The following PEX2 variants were observed in gnomAD, a reference collection of about 807,000 sequenced individuals.
PEX2 encodes the protein peroxisome biogenesis factor 2.
Under a neutral mutation model 25.2 loss-of-function variants are expected in PEX2, and 19 were observed. That is an observed-to-expected ratio of 0.75 (90% confidence interval 0.53 to 1.10). The LOEUF is 1.10. PEX2 is among the 50% of genes least tolerant of loss of function. The pLI is 0.00. For synonymous variants in PEX2, 141 were observed against 127.7 expected, an observed-to-expected ratio of 1.10 and a Z score of -0.70; for missense variants, 347 against 350.6, an observed-to-expected ratio of 0.99 and a Z score of 0.08.
At chr8:76,994,065 A>G (rs374496118) in intron 1 of PEX2, among the ~76,000 whole-genome samples, 10 of 152,152 alleles carry the variant, frequency 6.6e-5, no homozygotes, top group Non-Finnish European at 2.9e-5. Flanking sequence ...ATCTAGTACT[A>G]AAAACTATTA....
chr8:76,982,239 T>C lies in PEX2; in HGVS notation c.*1022A>G, dbSNP rs995221194. The C allele has an allele frequency of 3.9e-5, 6 of 152,214 alleles. No individual in the cohort carries two copies. Among genetic ancestry groups the C allele is most frequent in the African/African-American group, 7.2e-5 (3 of 41,456 alleles). The allele number at this position is 152,214 out of a possible 1,614,324, so 9.4% of individuals were successfully genotyped here. A position where few individuals can be genotyped will look rare whatever the true frequency, so the allele number is the denominator to read the frequency against. On this transcript the variant is annotated 3_prime_UTR_variant, in exon 4 of 4. Coordinates refer to ENST00000357039, the MANE Select transcript of PEX2 (RefSeq NM_000318.3). ...AAAAAGAGTGAAGGATACAGAATTATCTTGATTATGCACTGCTGTTACTAT... is the reference window on the plus strand; with the variant it reads ...AAAAAGAGTGAAGGATACAGAATTACCTTGATTATGCACTGCTGTTACTAT...
intron 1 of PEX2, among the ~76,000 whole-genome samples, chr8:76,996,763 T>C (rs764511824): frequency 1.2e-4 from 19 of 152,142 alleles, no homozygotes; most frequent in Admixed American, 2.0e-4. Flanking sequence ...GTGATACATA[T>C]CATGTACAAG....
chr8:76,999,086 G>C (rs933104570), intron 1 of PEX2, among the ~76,000 whole-genome samples: 1 of 151,822 alleles, frequency 6.6e-6, no homozygotes, highest in Non-Finnish European at 1.5e-5. Flanking sequence ...GATAATATAG[G>C]TGAGATCAGA....
At chr8:76,990,014 T>C (rs977715217) in intron 1 of PEX2, among the ~76,000 whole-genome samples, 1 of 152,196 alleles carries the variant, frequency 6.6e-6, no homozygotes, top group Admixed American at 6.5e-5. Context: ...ATCTTGAAAA[T>C]ATATTGTCTA....
rs995695713 is a variant in PEX2, at chr8:76,983,288, G to A, written c.891C>T (p.Ile297=). 1.9e-6 allele frequency: 3 copies of A among 1,613,464 alleles called. No homozygotes were observed. The highest frequency in any genetic ancestry group is 1.3e-5 in the African/African-American group (1 of 74,916). Residue 297 remains isoleucine, a synonymous_variant, in exon 4 of 4, where the codon ATC becomes ATT. Coordinates refer to ENST00000357039, the MANE Select transcript of PEX2 (RefSeq NM_000318.3). ...VHSLQPLKSG[I]EMSEVNAL ...AAAGAGCATTTACTTCTGACATCTC[G>A]ATTCCTGATTTCAGTGGCTGCAGAC...
chr8:77,000,337 A>C, upstream of PEX2: 1 of 242,544 alleles, frequency 4.1e-6, no homozygotes, highest in Non-Finnish European at 8.1e-6. Flanking sequence ...CGAACCGGTC[A>C]GCCCCGGGTC....
chr8:77,000,147 A>C, upstream of PEX2: 1 of 338,082 alleles, frequency 3.0e-6, no homozygotes, highest in East Asian at 8.6e-5. Context: ...AAAAAAAAAG[A>C]AAAAGTTACA....
intron 1 of PEX2, among the ~76,000 whole-genome samples, chr8:76,989,007 TAAAAAA>T (rs56178165): frequency 1.5e-5 from 2 of 129,908 alleles, no homozygotes; most frequent in African/African-American, 5.9e-5. Context: ...CTACAAAAAC[TAAAAAA>T]AAAAAAAAAA....
chr8:76,998,714 G>A (rs1432032182), intron 1 of PEX2, among the ~76,000 whole-genome samples: 1 of 152,136 alleles, frequency 6.6e-6, no homozygotes, highest in East Asian at 1.9e-4. Flanking sequence ...ATAAACCTGA[G>A]GGTGGGCTTG....
chr8:76,986,185 AC>A lies in PEX2; in HGVS notation c.-18+1del, dbSNP rs1806997034. ...GCCAATGATCTTCTGGGGAGATCTC[AC>A]CTTTTTCCTGTTCCTGCAGCTCCCT... On this transcript the variant is annotated splice_donor_variant, in intron 3 of 3. Transcript: ENST00000357039. LOFTEE classifies it low-confidence loss of function (5UTR_SPLICE). The A allele has an allele frequency of 6.6e-6, 1 of 152,108 alleles. No homozygotes were observed. Among genetic ancestry groups the A allele is most frequent in the South Asian group, 2.1e-4 (1 of 4,828 alleles). The allele number at this position is 152,108 out of a possible 1,614,324, so 9.4% of individuals were successfully genotyped here.
chr8:76,991,976 TGTTA>T (rs1406448833), intron 1 of PEX2, among the ~76,000 whole-genome samples: 6 of 152,190 alleles, frequency 3.9e-5, no homozygotes, highest in Non-Finnish European at 8.8e-5. Context: ...AAACCTTCAC[TGTTA>T]GTTATAGTAA....
chr8:76,980,339 C>T lies in PEX2; in HGVS notation c.*2922G>A, dbSNP rs1343021835. 6.6e-6 allele frequency: 1 copy of T among 152,228 alleles called. No individual in the cohort carries two copies. The highest frequency in any genetic ancestry group is 1.9e-4 in the East Asian group (1 of 5,178). 9.4% of individuals were successfully genotyped at this position (152,228 alleles called of 1,614,324 possible). A position where few individuals can be genotyped will look rare whatever the true frequency, so the allele number is the denominator to read the frequency against. On this transcript the variant is annotated 3_prime_UTR_variant, in exon 4 of 4. Transcript: ENST00000357039. Reference sequence around the variant, plus strand: ...AATCATCCAGTTACTTATGAATGTCCTTATCAAGCTAGATCACTGGTAAAA... The same window carrying T: ...AATCATCCAGTTACTTATGAATGTCTTTATCAAGCTAGATCACTGGTAAAA...
chr8:76,991,298 A>T (rs1310110974), intron 1 of PEX2, among the ~76,000 whole-genome samples: 1 of 152,174 alleles, frequency 6.6e-6, no homozygotes, highest in Non-Finnish European at 1.5e-5. Flanking sequence ...TTTAACCAAT[A>T]CAATATTTAA....
rs187490640 is a variant in PEX2 at position 76,981,505 on chromosome 8, A to G, written c.*1756T>C. 2.0e-4 allele frequency: 30 copies of G among 152,326 alleles called. No homozygotes were observed. Among genetic ancestry groups the G allele is most frequent in the African/African-American group, 6.3e-4 (26 of 41,574 alleles). The allele number at this position is 152,326 out of a possible 1,614,324, so 9.4% of individuals were successfully genotyped here. A position where few individuals can be genotyped will look rare whatever the true frequency, so the allele number is the denominator to read the frequency against. On this transcript the variant is annotated 3_prime_UTR_variant, in exon 4 of 4. Coordinates refer to ENST00000357039, the MANE Select transcript of PEX2 (RefSeq NM_000318.3). The stretch of plus-strand genomic sequence containing the variant: ...AAACAAAAAACAAAGACGTTTGTAT[A>G]TATTTTTATTTTTTTAGAAACGAAC...
intron 1 of PEX2, among the ~76,000 whole-genome samples, chr8:76,997,964 A>G: frequency 6.6e-6 from 1 of 152,200 alleles, no homozygotes; most frequent in East Asian, 1.9e-4. Flanking sequence ...GTACATTCCA[A>G]AGGAATAGAA....
chr8:76,998,946 C>T (rs1024742532), intron 1 of PEX2, among the ~76,000 whole-genome samples: 7 of 149,220 alleles, frequency 4.7e-5, no homozygotes, highest in African/African-American at 1.7e-4. Flanking sequence ...GCTCTATGTC[C>T]TGTTACTTCT....
At chr8:76,997,335 G>A (rs1254511160) in intron 1 of PEX2, among the ~76,000 whole-genome samples, 4 of 152,176 alleles carry the variant, frequency 2.6e-5, no homozygotes, top group Non-Finnish European at 5.9e-5. Flanking sequence ...CAAGTGGGCC[G>A]AGGTGGGCAG....
chr8:76,984,012 A>C lies in PEX2; in HGVS notation c.167T>G (p.Val56Gly), dbSNP rs1227234531. The C allele has an allele frequency of 6.2e-7, 1 of 1,613,916 alleles. No individual in the cohort carries two copies. The highest frequency in any genetic ancestry group is 1.7e-5 in the Admixed American group (1 of 59,992). Residue 56 changes from valine to glycine, a missense_variant, in exon 4 of 4, where the codon GTG becomes GGG. Val to Gly is a moderately radical substitution (Grantham distance 109). Coordinates refer to ENST00000357039, the MANE Select transcript of PEX2 (RefSeq NM_000318.3). ...PGLLARFEPE[V>G]KACLWVFLWR... ...CAAGAAAACCCATAAGCACGCTTTC[A>C]CCTCTGGCTCAAAGCGAGCTAACAG...
At chr8:77,000,247 G>A, upstream of PEX2, 1 of 305,450 alleles carries the variant, frequency 3.3e-6, no homozygotes, top group Non-Finnish European at 6.4e-6. Flanking sequence ...CCGAAGGGCC[G>A]AAAAGCCGAA....
Sources: gnomAD v4.1 joint callset for allele counts (sites outside exome capture counted in the v4.1 genomes callset) on GRCh38, gnomAD v4.1.1 for gene constraint, MANE v1.5 for transcripts, NCBI Gene and HGNC (gene_info 2026-07-23, HGNC 2026-07-21) for gene names.